The following TIAM2 variants were observed in gnomAD, a reference collection of about 807,000 sequenced individuals.
TIAM2 encodes the protein rho guanine nucleotide exchange factor TIAM2.
TIAM2 carries 80 observed loss-of-function variants against 152.9 expected under a neutral mutation model. That is an observed-to-expected ratio of 0.52 (90% CI 0.44 to 0.63). The LOEUF is 0.63. Among genes scored for constraint, TIAM2 ranks in the 30% least tolerant of loss-of-function variants. The probability of loss-of-function intolerance (pLI) is 0.00; values close to 1 mark genes in which losing one functional copy is unlikely to be tolerated. For missense variants in TIAM2, 1,965 were observed against 2,120.1 expected (o/e 0.93, Z 1.44); for synonymous variants, 804 against 838.0 (o/e 0.96, Z 0.70).
intron 1 of TIAM2, among the ~76,000 whole-genome samples, chr6:155,006,695 A>G (rs1778408213): frequency 6.6e-6 from 1 of 151,400 alleles, no homozygotes; most frequent in Admixed American, 6.6e-5. Context: ...AAAAAAAAAA[A>G]AAGAAAAAAA....
chr6:155,027,217 G>A (rs1458680266), intron 1 of TIAM2, among the ~76,000 whole-genome samples: 1 of 151,010 alleles, frequency 6.6e-6, no homozygotes, highest in Non-Finnish European at 1.5e-5. Context: ...ATAGAGACGG[G>A]GTTTCACCAT....
intron 19 of TIAM2, 38 bp from the exon 20 acceptor site, chr6:155,247,962 C>A: frequency 6.3e-7 from 1 of 1,594,140 alleles, no homozygotes; most frequent in Non-Finnish European, 8.6e-7. Flanking sequence ...ATTCACCCCA[C>A]TGTGCTCTTC....
chr6:155,091,940 C>A (rs892925063), intron 2 of TIAM2, among the ~76,000 whole-genome samples: 3 of 152,220 alleles, frequency 2.0e-5, no homozygotes, highest in African/African-American at 7.2e-5. Flanking sequence ...CTCTGTTGCC[C>A]AGGCTGGAAT....
At chr6:155,211,466 A>G (rs578209248) in intron 15 of TIAM2, among the ~76,000 whole-genome samples, 159 bp downstream of exon 15, 1 of 151,942 alleles carries the variant, frequency 6.6e-6, no homozygotes, top group South Asian at 2.1e-4. Context: ...TTCCTTATTT[A>G]TGTATTTTTT....
At chr6:155,036,162 G>A (rs571047347) in intron 1 of TIAM2, among the ~76,000 whole-genome samples, 89 of 152,230 alleles carry the variant, frequency 5.8e-4, no homozygotes, top group African/African-American at 2.1e-3. Flanking sequence ...AAAGAATGTC[G>A]CATGAATAAA....
chr6:155,077,643 C>T (rs1412011472), intron 1 of TIAM2, among the ~76,000 whole-genome samples: 1 of 152,152 alleles, frequency 6.6e-6, no homozygotes, highest in Non-Finnish European at 1.5e-5. Flanking sequence ...GAAACCAGGA[C>T]GGGAGGAGAG....
chr6:155,186,676 T>C lies in TIAM2; in HGVS notation c.3064+3176T>C, dbSNP rs975202713. On this transcript the variant is annotated intron_variant, in intron 14 of 26. Coordinates refer to ENST00000682666, the MANE Select transcript of TIAM2 (RefSeq NM_012454.4). This position sits in a 1 kb window ranked among gnomAD's most constrained non-coding sequence, Gnocchi z 4.5. ...TCTGAAAACGTGCTTCTCCTCCTCC[T>C]CCCTCGCTTTTGCAGCTTCCTGTTT... 5.3e-5 allele frequency among the ~76,000 whole-genome samples: 8 copies of C among 152,182 alleles called. No homozygotes were observed. Among genetic ancestry groups the C allele is most frequent in the Non-Finnish European group, 1.2e-4 (8 of 68,044 alleles).
intron 4 of TIAM2, among the ~76,000 whole-genome samples, chr6:155,132,988 G>T (rs1019854867): frequency 2.0e-5 from 3 of 152,124 alleles, no homozygotes; most frequent in Non-Finnish European, 4.4e-5. Context: ...TCCTACCCAC[G>T]GGAACTGGGT....
chr6:155,198,294 GCAGC>G (rs1451088969), intron 14 of TIAM2, among the ~76,000 whole-genome samples: 2 of 152,216 alleles, frequency 1.3e-5, no homozygotes, highest in Admixed American at 6.5e-5. Context: ...TTCAGACACA[GCAGC>G]CAGCACAATT....
At chr6:155,044,555 G>A (rs1057117395) in intron 1 of TIAM2, among the ~76,000 whole-genome samples, 8 of 152,126 alleles carry the variant, frequency 5.3e-5, no homozygotes, top group Non-Finnish European at 7.3e-5. Flanking sequence ...AGTGGCTTAC[G>A]CCTGTAATCT....
At chr6:155,024,264 C>A (rs550415604) in intron 1 of TIAM2, among the ~76,000 whole-genome samples, 67 of 152,260 alleles carry the variant, frequency 4.4e-4, no homozygotes, top group Middle Eastern at 3.4e-3. Flanking sequence ...TTTAGGAGAA[C>A]TGAAAGAGGC....
chr6:155,231,515 C>T (rs1166680700), intron 15 of TIAM2, among the ~76,000 whole-genome samples: 3 of 152,244 alleles, frequency 2.0e-5, no homozygotes. Context: ...TTAACTCCCA[C>T]CACACCCTGC....
intron 2 of TIAM2, among the ~76,000 whole-genome samples, chr6:155,103,474 A>G (rs1778593386): frequency 6.6e-6 from 1 of 152,172 alleles, no homozygotes; most frequent in African/African-American, 2.4e-5. Context: ...CTGTAATCCT[A>G]GCACTTTGGG....
At chr6:155,044,554 C>T (rs770310859) in intron 1 of TIAM2, among the ~76,000 whole-genome samples, 3 of 152,156 alleles carry the variant, frequency 2.0e-5, no homozygotes, top group East Asian at 1.9e-4. Flanking sequence ...CAGTGGCTTA[C>T]GCCTGTAATC....
At position 155,214,888 on chromosome 6, in the gene TIAM2, G is replaced by T. The variant is rs1056024287; in HGVS notation, c.3168+3581G>T. Among the ~76,000 whole-genome samples, 19 of 152,148 alleles carry T rather than the reference G, an allele frequency of 1.2e-4. No individual in the cohort carries two copies. The highest frequency in any genetic ancestry group is 4.1e-4 in the African/African-American group (17 of 41,434). Reference sequence around the variant, plus strand: ...ACTCCTGGGCTCAAGAGATCCTACTGCCCCGGCCTCCTGAAGTACTGGAAT... The same window carrying T: ...ACTCCTGGGCTCAAGAGATCCTACTTCCCCGGCCTCCTGAAGTACTGGAAT... On this transcript the variant is annotated intron_variant, in intron 15 of 26. Coordinates refer to ENST00000682666, the MANE Select transcript of TIAM2 (RefSeq NM_012454.4). The surrounding 1 kb of genome is among the most constrained non-coding windows in gnomAD (Gnocchi z 5.4).
intron 14 of TIAM2, among the ~76,000 whole-genome samples, chr6:155,184,382 G>C (rs1191727845): frequency 6.6e-6 from 1 of 152,238 alleles, no homozygotes; most frequent in Non-Finnish European, 1.5e-5. Flanking sequence ...TTTTCTCACG[G>C]TAAGACTTCC....
In TIAM2 at chr6:155,256,964, T is replaced by C; in HGVS notation, c.4949T>C (p.Leu1650Pro). Reference sequence around the variant, plus strand: ...ACCAAGAGGGACAGAGGAACTTTGCTCAAGGCGCAGATCCGTCACCAGTCC... The same window carrying C: ...ACCAAGAGGGACAGAGGAACTTTGCCCAAGGCGCAGATCCGTCACCAGTCC... ...NSTKRDRGTL[L>P]KAQIRHQSLD... is the part of the protein sequence containing the mutation. The change falls in exon 27 of 27, where the codon CTC (leucine) becomes CCC (proline). Residue 1650 changes from leucine (L) to proline (P), a missense_variant. By Grantham distance (98) the Leu-to-Pro change is moderately conservative. Transcript: ENST00000682666. 1 of 1,614,120 alleles carries C rather than the reference T, an allele frequency of 6.2e-7. No homozygotes were observed.
In TIAM2 at chr6:155,062,223, T is replaced by C. The variant is rs141151762; in HGVS notation, c.-208-28066T>C. Among the ~76,000 whole-genome samples the C allele has an allele frequency of 3.3e-5, 5 of 152,284 alleles. No individual in the cohort carries two copies. In the East Asian group the frequency reaches 9.7e-4, roughly 29 times the overall value. On this transcript the variant is annotated intron_variant, in intron 1 of 26. Coordinates refer to ENST00000682666, the MANE Select transcript of TIAM2 (RefSeq NM_012454.4). The stretch of plus-strand genomic sequence containing the variant: ...ATTGTATGTATGCAGTCACTCTTTG[T>C]TAACCATTTGATCGCTGAAGATCAT...
chr6:155,240,482 A>T, intron 15 of TIAM2, 48 bp from the exon 16 acceptor site: 1 of 1,556,622 alleles, frequency 6.4e-7, no homozygotes, highest in South Asian at 1.2e-5. Context: ...AGCGGATACT[A>T]TCAGGGAGAG....
Sources: gnomAD v4.1 joint callset for allele counts (sites outside exome capture counted in the v4.1 genomes callset) on GRCh38, gnomAD v4.1.1 for gene constraint, Gnocchi (gnomAD v3.1) non-coding constraint, MANE v1.5 for transcripts, NCBI Gene and HGNC (gene_info 2026-07-23, HGNC 2026-07-21) for gene names.